Variants in EFHC1 observed in about 807,000 individuals in gnomAD.
EFHC1 encodes EF-hand domain-containing protein 1.
In EFHC1, 53 loss-of-function variants were observed where a neutral mutation model predicts 69.9. The ratio of observed to expected loss-of-function variants is 0.76; its 90% CI spans 0.61 to 0.95. The LOEUF is 0.95. EFHC1 is among the 40% of genes least tolerant of loss of function. The pLI, the probability that EFHC1 is intolerant of heterozygous loss-of-function variation, is 0.00. For synonymous variants in EFHC1, 256 were observed against 278.4 expected, an observed-to-expected ratio of 0.92 and a Z score of 0.80; for missense variants, 739 against 798.7, an observed-to-expected ratio of 0.93 and a Z score of 0.90.
intron 2 of EFHC1, among the ~76,000 whole-genome samples, chr6:52,428,504 T>C (rs1407886986): frequency 6.6e-6 from 1 of 152,236 alleles, no homozygotes; most frequent in Non-Finnish European, 1.5e-5. Flanking sequence ...TCCAAGTCAC[T>C]GTGAATGCTA....
rs369201702 is a variant in EFHC1 at position 52,490,164 on chromosome 6, C to A, written c.1665C>A (p.Gly555=). The change falls in exon 10 of 11, where the codon GGC becomes GGA. Residue 555 remains glycine (G), a synonymous_variant. Transcript: ENST00000371068. The part of the protein sequence containing the change: ...AESKQTEKDP[G]VQELEALIDT... The stretch of plus-strand genomic sequence containing the variant: ...GCAAGCAAACTGAAAAGGATCCAGG[C>A]GTGCAGGAATTGGAAGCATTAATAG... 4.3e-6 allele frequency: 7 copies of A among 1,613,824 alleles called. No homozygotes were observed. In the Admixed American group the frequency reaches 5.0e-5, roughly 12 times the overall value.
chr6:52,452,743 ATCCTT>A lies in EFHC1; in HGVS notation c.630_634del (p.Asp210GlufsTer3). 1 of 1,614,224 alleles carries A rather than the reference ATCCTT, an allele frequency of 6.2e-7. No homozygotes were observed. Among genetic ancestry groups the A allele is most frequent in the Non-Finnish European group, 8.5e-7 (1 of 1,180,040 alleles). On this transcript the variant is annotated frameshift_variant, in exon 4 of 11. Coordinates refer to ENST00000371068, the MANE Select transcript of EFHC1 (RefSeq NM_018100.4). LOFTEE classifies it high-confidence loss of function. ...AATCCACCAGAGAAGATGGCTCTTG[ATCCTT>A]ACACTGAACTCCGAAAACAGCCTCT...
intron 5 of EFHC1, among the ~76,000 whole-genome samples, chr6:52,463,944 T>G (rs1034013376): frequency 6.6e-6 from 1 of 152,220 alleles, no homozygotes; most frequent in Admixed American, 6.5e-5. Flanking sequence ...GTTCAAACTT[T>G]TATGCCTGTT....
intron 6 of EFHC1, among the ~76,000 whole-genome samples, chr6:52,466,994 C>T (rs1765320076): frequency 6.6e-6 from 1 of 151,926 alleles, no homozygotes; most frequent in African/African-American, 2.4e-5. Context: ...AACTCTCTGC[C>T]CCCAAGTTTC....
intron 3 of EFHC1, among the ~76,000 whole-genome samples, chr6:52,441,132 C>T (rs148308655): frequency 2.2e-3 from 330 of 152,046 alleles, no homozygotes; most frequent in Admixed American, 4.5e-3. Flanking sequence ...GAAGCTCTTA[C>T]GTTTAATTAG....
intron 7 of EFHC1, among the ~76,000 whole-genome samples, chr6:52,478,087 T>C (rs1765582448): frequency 6.6e-6 from 1 of 152,218 alleles, no homozygotes; most frequent in Non-Finnish European, 1.5e-5. Context: ...CATGGAATAC[T>C]ATGCAGCCAT....
intron 1 of EFHC1, 69 bp downstream of exon 1, chr6:52,420,542 G>T: frequency 6.4e-7 from 1 of 1,567,270 alleles, no homozygotes; most frequent in South Asian, 1.1e-5. Flanking sequence ...TCCCCGCTCA[G>T]TGCACCTCCA....
chr6:52,444,174 TAAG>T (rs1197158652), intron 3 of EFHC1, among the ~76,000 whole-genome samples: 4 of 152,228 alleles, frequency 2.6e-5, no homozygotes, highest in African/African-American at 9.6e-5. Context: ...CTTATCAGCT[TAAG>T]GAGATTTTGG....
intron 3 of EFHC1, among the ~76,000 whole-genome samples, chr6:52,444,086 G>A (rs1764726683): frequency 6.6e-6 from 1 of 152,144 alleles, no homozygotes; most frequent in South Asian, 2.1e-4. Flanking sequence ...TTGGCTCTCT[G>A]TTTGTCTGTT....
At chr6:52,444,564 T>TG (rs1277152643) in intron 3 of EFHC1, among the ~76,000 whole-genome samples, 1 of 152,220 alleles carries the variant, frequency 6.6e-6, no homozygotes, top group African/African-American at 2.4e-5. Flanking sequence ...TTTTTGTCTT[T>TG]GGTTCCGTTT....
chr6:52,472,921 G>A (rs1272771778), intron 7 of EFHC1, among the ~76,000 whole-genome samples: 2 of 151,596 alleles, frequency 1.3e-5, no homozygotes, highest in Non-Finnish European at 2.9e-5. Context: ...ATAAATGAAG[G>A]GATATACCAT....
intron 6 of EFHC1, among the ~76,000 whole-genome samples, chr6:52,465,885 G>A (rs1765296382): frequency 6.8e-6 from 1 of 147,666 alleles, no homozygotes; most frequent in Non-Finnish European, 1.5e-5. Flanking sequence ...AAATCATATT[G>A]TTTATAATAT....
intron 3 of EFHC1, 120 bp from the exon 4 acceptor site, chr6:52,452,568 C>A: frequency 8.5e-7 from 1 of 1,173,026 alleles, no homozygotes; most frequent in Non-Finnish European, 1.2e-6. Flanking sequence ...TCCCAAAGTG[C>A]TGAGATTGTA....
In EFHC1 at chr6:52,496,380, T is replaced by C. The variant is rs1766062403; in HGVS notation, c.*4039T>C. 6.6e-6 allele frequency: 1 copy of C among 152,278 alleles called. No homozygotes were observed. The highest frequency in any genetic ancestry group is 2.4e-5 in the African/African-American group (1 of 41,430). 9.4% of individuals were successfully genotyped at this position (152,278 alleles called of 1,614,324 possible). A position where few individuals can be genotyped will look rare whatever the true frequency, so the allele number is the denominator to read the frequency against. On this transcript the variant is annotated 3_prime_UTR_variant, in exon 11 of 11. Coordinates refer to ENST00000371068, the MANE Select transcript of EFHC1 (RefSeq NM_018100.4). ...AGATGGGCTGTGAGTTAGCCACTAC[T>C]CAGAAACCTGGGCCTGTACCTTGTC...
chr6:52,462,660 C>A, intron 5 of EFHC1, among the ~76,000 whole-genome samples: 1 of 152,040 alleles, frequency 6.6e-6, no homozygotes, highest in East Asian at 1.9e-4. Flanking sequence ...CCAAGGCAGG[C>A]GGATCACTTG....
At position 52,496,888 on chromosome 6, in the gene EFHC1, C is replaced by CAAAG. The variant is rs1033346602; in HGVS notation, c.*4553_*4556dup. On this transcript the variant is annotated 3_prime_UTR_variant, in exon 11 of 11. Transcript: ENST00000371068. ...GCACTCATCTTTTGAGATCTTTTTCCAAAGAAAGATGGTTCTGGTAAACAC... is the reference window on the plus strand; with the variant it reads ...GCACTCATCTTTTGAGATCTTTTTCCAAAGAAAGAAAGATGGTTCTGGTAAACAC... The CAAAG allele has an allele frequency of 1.3e-5, 2 of 152,150 alleles. No individual in the cohort carries two copies. The highest frequency in any genetic ancestry group is 4.8e-5 in the African/African-American group (2 of 41,428). The allele number at this position is 152,150 out of a possible 1,614,324, so 9.4% of individuals were successfully genotyped here.
intron 5 of EFHC1, 81 bp downstream of exon 5, chr6:52,454,368 T>A: frequency 6.4e-7 from 1 of 1,567,740 alleles, no homozygotes; most frequent in South Asian, 1.1e-5. Flanking sequence ...TATGCAAAAT[T>A]CGTTTATACT....
intron 2 of EFHC1, among the ~76,000 whole-genome samples, chr6:52,438,054 T>A (rs541749621): frequency 1.5e-4 from 23 of 152,340 alleles, no homozygotes; most frequent in Admixed American, 5.9e-4. Flanking sequence ...TAAAATTTTT[T>A]AAACCATTTA....
At chr6:52,468,193 G>A (rs1460013724) in intron 6 of EFHC1, among the ~76,000 whole-genome samples, 2 of 152,192 alleles carry the variant, frequency 1.3e-5, no homozygotes, top group African/African-American at 4.8e-5. Flanking sequence ...AGTATCTGAA[G>A]GTTATGGTAC....
Sources: allele counts gnomAD v4.1 joint callset (sites outside exome capture counted in the v4.1 genomes callset), GRCh38; gene constraint gnomAD v4.1.1; transcripts MANE v1.5; gene names NCBI Gene and HGNC (gene_info 2026-07-23, HGNC 2026-07-21).